Variants in BRMS1 observed in about 807,000 individuals in gnomAD.
BRMS1 encodes the protein BRMS1 transcriptional repressor and anoikis regulator.
BRMS1 carries 26 observed loss-of-function variants against 40.4 expected under a neutral mutation model. The ratio of observed to expected loss-of-function variants is 0.64; its 90% CI spans 0.47 to 0.89. The LOEUF is 0.89. BRMS1 is among the 40% of genes least tolerant of loss of function. The probability of loss-of-function intolerance (pLI) is 0.00; values close to 1 mark genes in which losing one functional copy is unlikely to be tolerated. For missense variants in BRMS1, 289 were observed against 309.4 expected (o/e 0.93, Z 0.49); for synonymous variants, 103 against 116.0 (o/e 0.89, Z 0.72).
In BRMS1 at chr11:66,340,767, C is replaced by T. The variant is rs748352609; in HGVS notation, c.535+7G>A. The T allele has an allele frequency of 9.9e-6, 16 of 1,608,696 alleles. No individual in the cohort carries two copies. The highest frequency in any genetic ancestry group is 6.7e-5 in the African/African-American group (5 of 74,816). On this transcript the variant is annotated splice_region_variant and intron_variant, in intron 6 of 9. Coordinates refer to ENST00000359957, the MANE Select transcript of BRMS1 (RefSeq NM_015399.4). The stretch of plus-strand genomic sequence containing the variant: ...CAGTTCCGGGGTGCCCAGGCTCTCG[C>T]GCTTACCAGAGCTGAGGTCCAGGCT...
In BRMS1 at chr11:66,337,961, A is replaced by G. The variant is rs986261762; in HGVS notation, c.734-72T>C. On this transcript the variant is annotated intron_variant, in intron 9 of 9. Transcript: ENST00000359957. ...AAAGGAAGGAGGCAGCCACTTACTGAGTGGCTTTGGGCTGGCCCAGAACAG... is the reference window on the plus strand; with the variant it reads ...AAAGGAAGGAGGCAGCCACTTACTGGGTGGCTTTGGGCTGGCCCAGAACAG... 1.2e-5 allele frequency: 19 copies of G among 1,533,902 alleles called. 1 individual carries two copies. In the Admixed American group the frequency reaches 3.3e-4, roughly 27 times the overall value.
In BRMS1 at chr11:66,337,832, G is replaced by C. The variant is rs1253008521; in HGVS notation, c.*50C>G. 2.5e-6 allele frequency: 4 copies of C among 1,614,208 alleles called. No homozygotes were observed. Among genetic ancestry groups the C allele is most frequent in the East Asian group, 4.5e-5 (2 of 44,892 alleles). On this transcript the variant is annotated 3_prime_UTR_variant, in exon 10 of 10. Transcript: ENST00000359957. ...TCTGCAGGAGGAAGACGAGAATCCTGGGTGCAGTGCCAGCTGCTCTGAGGG... is the reference window on the plus strand; with the variant it reads ...TCTGCAGGAGGAAGACGAGAATCCTCGGTGCAGTGCCAGCTGCTCTGAGGG...
At chr11:66,344,225 C>T (rs1204918703) in intron 1 of BRMS1, among the ~76,000 whole-genome samples, 2 of 152,164 alleles carry the variant, frequency 1.3e-5, no homozygotes, top group African/African-American at 4.8e-5. Flanking sequence ...ACAAATTTAA[C>T]AAAAAAATTT....
intron 1 of BRMS1, 167 bp downstream of exon 1, chr11:66,344,805 T>A (rs1243460903): frequency 6.6e-6 from 1 of 152,290 alleles, no homozygotes; most frequent in Non-Finnish European, 1.5e-5. Context: ...GGCCTCCCGC[T>A]CCCTTCTAGA....
intron 8 of BRMS1, 144 bp from the exon 9 acceptor site, chr11:66,338,426 G>A: frequency 6.6e-7 from 1 of 1,511,948 alleles, no homozygotes. Flanking sequence ...CCCAGGCAGA[G>A]CTCCCATGCT....
intron 2 of BRMS1, 70 bp downstream of exon 2, chr11:66,342,026 T>C: frequency 6.6e-7 from 1 of 1,513,298 alleles, no homozygotes; most frequent in Non-Finnish European, 9.0e-7. Context: ...GTGTAGGGGC[T>C]GTGTGTGTGC....
Position 66,338,802 on chromosome 11 carries a change from G to A in BRMS1, c.629-17C>T, listed in dbSNP as rs1854999974. 6.6e-7 allele frequency: 1 copy of A among 1,526,122 alleles called. No homozygotes were observed. Among genetic ancestry groups the A allele is most frequent in the Non-Finnish European group, 8.8e-7 (1 of 1,135,538 alleles). The allele number at this position is 1,526,122 out of a possible 1,614,324, so 94.5% of individuals were successfully genotyped here. A position where few individuals can be genotyped will look rare whatever the true frequency, so the allele number is the denominator to read the frequency against. ...TGTATGGGCCTGTGGTGGGGGTCAA[G>A]GAAGCCTAGTGGAGGTGGCAGGTGA... is the stretch of plus-strand genomic sequence containing the variant. On this transcript the variant is annotated splice_polypyrimidine_tract_variant and intron_variant, in intron 7 of 9. Coordinates refer to ENST00000359957, the MANE Select transcript of BRMS1 (RefSeq NM_015399.4).
In BRMS1 at chr11:66,338,804, A is replaced by G. The variant is rs777103657; in HGVS notation, c.629-19T>C. On this transcript the variant is annotated intron_variant, in intron 7 of 9. Coordinates refer to ENST00000359957, the MANE Select transcript of BRMS1 (RefSeq NM_015399.4). The stretch of plus-strand genomic sequence containing the variant: ...TATGGGCCTGTGGTGGGGGTCAAGG[A>G]AGCCTAGTGGAGGTGGCAGGTGACG... 3 of 1,525,076 alleles carry G rather than the reference A, an allele frequency of 2.0e-6. No individual in the cohort carries two copies. The Admixed American group carries it at 6.3e-5, about 32-fold the overall frequency. The allele number at this position is 1,525,076 out of a possible 1,614,324, so 94.5% of individuals were successfully genotyped here. A position where few individuals can be genotyped will look rare whatever the true frequency, so the allele number is the denominator to read the frequency against.
At chr11:66,343,455 C>A (rs1432540599) in intron 1 of BRMS1, among the ~76,000 whole-genome samples, 1 of 152,082 alleles carries the variant, frequency 6.6e-6, no homozygotes, top group Non-Finnish European at 1.5e-5. Context: ...TCCTGGGAGA[C>A]AGGGGCAAAG....
intron 8 of BRMS1, 75 bp downstream of exon 8, chr11:66,338,646 T>C (rs1324261394): frequency 1.9e-6 from 3 of 1,610,866 alleles, no homozygotes; most frequent in African/African-American, 2.7e-5. Context: ...CTCCCAGGCC[T>C]GCAGATGGCA....
At chr11:66,342,565 C>A (rs930749612) in intron 1 of BRMS1, among the ~76,000 whole-genome samples, 13 of 152,190 alleles carry the variant, frequency 8.5e-5, no homozygotes, top group African/African-American at 7.2e-5. Flanking sequence ...ACCTAAATTT[C>A]TTTTCTTCTT....
At chr11:66,338,658 A>AGCT in intron 8 of BRMS1, 63 bp downstream of exon 8, 1 of 1,612,778 alleles carries the variant, frequency 6.2e-7, no homozygotes, top group Non-Finnish European at 8.5e-7. Flanking sequence ...CAGATGGCAG[A>AGCT]GCTGCTGCCA....
At chr11:66,338,222 T>C (rs369195393) in intron 9 of BRMS1, 21 bp downstream of exon 9, 7 of 1,609,664 alleles carry the variant, frequency 4.3e-6, no homozygotes. Context: ...GGGAAGGCCA[T>C]GCAACAGCCA....
At chr11:66,340,290 A>C in intron 6 of BRMS1, 77 bp from the exon 7 acceptor site, 5 of 1,348,488 alleles carry the variant, frequency 3.7e-6, no homozygotes, top group Non-Finnish European at 5.2e-6. Context: ...TGCCTCCACC[A>C]TGGGCCGGCC....
In BRMS1 at chr11:66,339,753, C is replaced by T. The variant is rs373113172; in HGVS notation, c.628+368G>A. On this transcript the variant is annotated intron_variant, in intron 7 of 9. Coordinates refer to ENST00000359957, the MANE Select transcript of BRMS1 (RefSeq NM_015399.4). ...CTGGGACTATAGGTGCACACCACCA[C>T]GCCTGGCTAATTTTTGTTATTTTTT... 24 of 200,348 alleles carry T rather than the reference C, an allele frequency of 1.2e-4. No individual in the cohort carries two copies. The South Asian group carries it at 1.8e-3, about 15-fold the overall frequency. The allele number at this position is 200,348 out of a possible 1,614,324, so 12.4% of individuals were successfully genotyped here. A position where few individuals can be genotyped will look rare whatever the true frequency, so the allele number is the denominator to read the frequency against.
chr11:66,338,990 T>G (rs1187021768), intron 7 of BRMS1, among the ~76,000 whole-genome samples: 2 of 152,120 alleles, frequency 1.3e-5, no homozygotes, highest in Non-Finnish European at 2.9e-5. Flanking sequence ...ACACCAAATG[T>G]TGTTCCCTGT....
chr11:66,340,207 C>T lies in BRMS1; in HGVS notation c.542G>A (p.Trp181Ter). 1 of 1,613,488 alleles carries T rather than the reference C, an allele frequency of 6.2e-7. No individual in the cohort carries two copies. The highest frequency in any genetic ancestry group is 2.2e-5 in the East Asian group (1 of 44,878). The change falls in exon 7 of 10, where the codon TGG becomes TAG. Residue 181 changes from tryptophan to a stop codon, truncating the protein, a stop_gained. Transcript: ENST00000359957. LOFTEE classifies it high-confidence loss of function. ...GCCTCTGGCGTGCAGTTTGTCATCC[C>T]ACCATTCTGCCCCGAGACCCAGAGT... ...RQSLDLSSEW[W>*]DDKLHARGSS...
chr11:66,342,485 A>G (rs1298183822), intron 1 of BRMS1, among the ~76,000 whole-genome samples: 1 of 152,156 alleles, frequency 6.6e-6, no homozygotes, highest in Non-Finnish European at 1.5e-5. Context: ...AATCCTAGCA[A>G]TACTGGCCAA....
rs142065865 is a variant in BRMS1, at chr11:66,342,118, T to A, written c.117A>T (p.Thr39=). The A allele has an allele frequency of 6.2e-7, 1 of 1,613,614 alleles. No homozygotes were observed. The highest frequency in any genetic ancestry group is 8.5e-7 in the Non-Finnish European group (1 of 1,179,986). ...CACCGGAGCTCTCCTCTTCTGACTCTGTCTGGCTGCCGCTCCGCTCCTCCT... is the reference window on the plus strand; with the variant it reads ...CACCGGAGCTCTCCTCTTCTGACTCAGTCTGGCTGCCGCTCCGCTCCTCCT... ...ESEEERSGSQ[T]ESEEESSEMD... is the part of the protein sequence containing the mutation. Residue 39 remains threonine, a synonymous_variant, in exon 2 of 10, where the codon ACA becomes ACT. Transcript: ENST00000359957.
Sources: allele counts gnomAD v4.1 joint callset (sites outside exome capture counted in the v4.1 genomes callset), GRCh38; gene constraint gnomAD v4.1.1; transcripts MANE v1.5; gene names NCBI Gene and HGNC (gene_info 2026-07-23, HGNC 2026-07-21).